MGMT: variants seen among roughly 807,000 people sequenced by gnomAD.
MGMT encodes the protein methylated-DNA--protein-cysteine methyltransferase.
A neutral mutation model predicts 15.9 loss-of-function variants in MGMT; 14 were observed. The ratio of observed to expected loss-of-function variants is 0.88; its 90% confidence interval spans 0.58 to 1.37. The LOEUF (loss-of-function observed/expected upper bound fraction) is 1.37, where lower values mean the gene tolerates loss of function less well. Ranked by LOEUF, MGMT falls within the 40% of genes most tolerant of loss-of-function variation. The probability of loss-of-function intolerance (pLI) is 0.00; values close to 1 mark genes in which losing one functional copy is unlikely to be tolerated. For missense variants in MGMT, 282 were observed against 268.1 expected (o/e 1.05, Z -0.36); for synonymous variants, 130 against 118.2 (o/e 1.10, Z -0.65).
intron 2 of MGMT, among the ~76,000 whole-genome samples, chr10:129,537,989 G>A (rs1344839085): frequency 6.6e-6 from 1 of 152,212 alleles, no homozygotes; most frequent in Non-Finnish European, 1.5e-5. Flanking sequence ...GTCATATATG[G>A]GCTAAAATTA....
intron 2 of MGMT, among the ~76,000 whole-genome samples, chr10:129,695,550 C>T (rs983528453): frequency 9.9e-5 from 15 of 152,232 alleles, no homozygotes; most frequent in African/African-American, 2.6e-4. Context: ...ATTTAAATTA[C>T]GATATATTCT....
chr10:129,581,838 C>G (rs1161892145), intron 2 of MGMT, among the ~76,000 whole-genome samples: 3 of 152,190 alleles, frequency 2.0e-5, no homozygotes, highest in Admixed American at 6.5e-5. Context: ...CCGGGGTATC[C>G]CCTGGCTAAG....
At chr10:129,686,571 T>G (rs1056580006) in intron 2 of MGMT, among the ~76,000 whole-genome samples, 2 of 42,808 alleles carry the variant, frequency 4.7e-5, no homozygotes, top group Admixed American at 5.8e-4. Flanking sequence ...AATGGGGTTT[T>G]CTGCTGCTCT....
At chr10:129,539,214 C>T (rs1014596015) in intron 2 of MGMT, among the ~76,000 whole-genome samples, 5 of 152,094 alleles carry the variant, frequency 3.3e-5, no homozygotes, top group South Asian at 2.1e-4. Context: ...TAAATTCTCC[C>T]GTAATTTCTT....
intron 3 of MGMT, among the ~76,000 whole-genome samples, chr10:129,714,637 T>C (rs939943307): frequency 2.6e-5 from 4 of 152,210 alleles, no homozygotes; most frequent in Admixed American, 2.0e-4. Context: ...GAATTATTGT[T>C]CTAAAGGAAT....
intron 2 of MGMT, among the ~76,000 whole-genome samples, chr10:129,559,772 T>TA (rs1231135027): frequency 3.9e-5 from 6 of 152,196 alleles, no homozygotes; most frequent in African/African-American, 1.4e-4. Flanking sequence ...TAGGTCCTTT[T>TA]AAAAAAACCT....
intron 2 of MGMT, among the ~76,000 whole-genome samples, chr10:129,679,310 G>A (rs1465289431): frequency 6.6e-6 from 1 of 151,864 alleles, no homozygotes; most frequent in East Asian, 1.9e-4. Context: ...CTCTGCTGTG[G>A]GACCCTGCGG....
intron 3 of MGMT, among the ~76,000 whole-genome samples, chr10:129,711,935 A>G (rs1848237730): frequency 6.6e-6 from 1 of 152,146 alleles, no homozygotes; most frequent in Admixed American, 6.5e-5. Context: ...CTTAGTGTTT[A>G]TTTATGAAAA....
chr10:129,551,037 G>T (rs1405132881), intron 2 of MGMT, among the ~76,000 whole-genome samples: 1 of 152,164 alleles, frequency 6.6e-6, no homozygotes, highest in African/African-American at 2.4e-5. Context: ...GGTCTACCCT[G>T]TCCCAGCCCC....
At position 129,735,529 on chromosome 10, in the gene MGMT, T is replaced by G. The variant is rs1477854417; in HGVS notation, c.275-23673T>G. 2.6e-5 allele frequency among the ~76,000 whole-genome samples: 4 copies of G among 151,952 alleles called. No individual in the cohort carries two copies. In the East Asian group the frequency reaches 7.7e-4, roughly 29 times the overall value. Reference sequence around the variant, plus strand: ...AAAGCCAACTCCTGGATTCGTTAATTTTTTGAAGGGTTTTTTGTGTCTCTA... The same window carrying G: ...AAAGCCAACTCCTGGATTCGTTAATGTTTTGAAGGGTTTTTTGTGTCTCTA... On this transcript the variant is annotated intron_variant, in intron 3 of 4. Coordinates refer to ENST00000651593, the MANE Select transcript of MGMT (RefSeq NM_002412.5).
rs77986090 is a variant in MGMT, at chr10:129,644,047, A to T, written c.126-63848A>T. Among the ~76,000 whole-genome samples, 520 of 152,324 alleles carry T rather than the reference A, an allele frequency of 3.4e-3. 2 individuals are homozygous for T. The highest frequency in any genetic ancestry group is 0.012 in the African/African-American group (491 of 41,566). ...TGTATGCCCAGCCCAGCCTCTCTAC[A>T]GAGAGACCTTCCCAGCCAGCCCCGG... On this transcript the variant is annotated intron_variant, in intron 2 of 4. Transcript: ENST00000651593.
At chr10:129,677,005 C>T (rs1440883139) in intron 2 of MGMT, among the ~76,000 whole-genome samples, 1 of 152,116 alleles carries the variant, frequency 6.6e-6, no homozygotes, top group Non-Finnish European at 1.5e-5. Context: ...AGTTGGGATG[C>T]CAAAGCCATT....
At chr10:129,478,063 C>A (rs1158474718) in intron 1 of MGMT, among the ~76,000 whole-genome samples, 1 of 152,194 alleles carries the variant, frequency 6.6e-6, no homozygotes, top group Admixed American at 6.5e-5. Flanking sequence ...CAGAAGCCAG[C>A]AGACCATGGA....
chr10:129,469,591 C>T (rs184647612), intron 1 of MGMT, among the ~76,000 whole-genome samples: 5 of 152,238 alleles, frequency 3.3e-5, no homozygotes, highest in Admixed American at 6.5e-5. Context: ...CTGCAGGGCC[C>T]TGTGCTCATT....
intron 2 of MGMT, among the ~76,000 whole-genome samples, chr10:129,539,546 G>A (rs577798717): frequency 8.6e-5 from 13 of 151,816 alleles, no homozygotes; most frequent in East Asian, 1.9e-4. Context: ...TTGCTCTGTC[G>A]CCCAGGCTGG....
rs557886231 is a variant in MGMT at position 129,492,474 on chromosome 10, T to C, written c.-13+25178T>C. 3.8e-4 allele frequency among the ~76,000 whole-genome samples: 58 copies of C among 152,336 alleles called. No homozygotes were observed. The South Asian group carries it at 0.012, about 30-fold the overall frequency. On this transcript the variant is annotated intron_variant, in intron 1 of 4. Transcript: ENST00000651593. Reference sequence around the variant, plus strand: ...TATTAGATTAAGGGATAGTGTGCTTTTCCTTTTAGGAGCCCTCACTTGACC... The same window carrying C: ...TATTAGATTAAGGGATAGTGTGCTTCTCCTTTTAGGAGCCCTCACTTGACC...
intron 2 of MGMT, among the ~76,000 whole-genome samples, chr10:129,567,351 C>G (rs1846368076): frequency 6.6e-6 from 1 of 152,052 alleles, no homozygotes; most frequent in African/African-American, 2.4e-5. Context: ...CCCAGCAGGA[C>G]AGACCCCCCC....
chr10:129,624,090 C>T (rs1049577981), intron 2 of MGMT, among the ~76,000 whole-genome samples: 3 of 152,270 alleles, frequency 2.0e-5, no homozygotes, highest in African/African-American at 7.2e-5. Context: ...GCAACACGCT[C>T]AGCGCCTGCG....
intron 2 of MGMT, among the ~76,000 whole-genome samples, chr10:129,684,114 T>G (rs1358304755): frequency 6.6e-6 from 1 of 152,240 alleles, no homozygotes; most frequent in Non-Finnish European, 1.5e-5. Context: ...CAATTAATTT[T>G]TGCCTATTAA....
Sources: gnomAD v4.1 joint callset for allele counts (sites outside exome capture counted in the v4.1 genomes callset) on GRCh38, gnomAD v4.1.1 for gene constraint, MANE v1.5 for transcripts, NCBI Gene and HGNC (gene_info 2026-07-23, HGNC 2026-07-21) for gene names.